Variants in NEXMIF observed in about 807,000 individuals in gnomAD.
NEXMIF encodes XLMR protein related to neurite extension.
A neutral mutation model predicts 62.1 loss-of-function variants in NEXMIF; 8 were observed. The observed-to-expected ratio is 0.13, with a 90% confidence interval of 0.08 to 0.23. NEXMIF has a LOEUF of 0.23. NEXMIF is among the 10% of genes least tolerant of loss of function. The pLI is 1.00. For synonymous variants in NEXMIF, 404 were observed against 416.6 expected (o/e 0.97, Z 0.37); for missense variants, 976 against 1,113.3 (o/e 0.88, Z 1.75).
At position 74,735,632 on chromosome X, in the gene NEXMIF, A is replaced by T. The variant is rs985792630; in HGVS notation, c.*3773T>A. On this transcript the variant is annotated 3_prime_UTR_variant, in exon 4 of 4. Transcript: ENST00000055682. Reference sequence around the variant, plus strand: ...CAAGGAAAAAGTTCAGAGAAGGTGAAAGTTGTCACAAAAGCCCAGCTAGCA... The same window carrying T: ...CAAGGAAAAAGTTCAGAGAAGGTGATAGTTGTCACAAAAGCCCAGCTAGCA... The T allele has an allele frequency of 8.9e-6, 1 of 112,163 alleles. No homozygotes were observed. Among genetic ancestry groups the T allele is most frequent in the African/African-American group, 3.2e-5 (1 of 30,790 alleles). 9.2% of individuals were successfully genotyped at this position (112,163 alleles called of 1,213,427 possible). A position where few individuals can be genotyped will look rare whatever the true frequency, so the allele number is the denominator to read the frequency against.
At chrX:74,885,472 C>A (rs2080687985) in intron 1 of NEXMIF, among the ~76,000 whole-genome samples, 1 of 111,755 alleles carries the variant, frequency 8.9e-6, no homozygotes, top group Non-Finnish European at 1.9e-5. Context: ...GATATCACCA[C>A]TGATCCCACA....
chrX:74,870,244 G>A (rs1336788042), intron 1 of NEXMIF, among the ~76,000 whole-genome samples: 4 of 110,819 alleles, frequency 3.6e-5, no homozygotes, highest in Non-Finnish European at 5.7e-5. Context: ...CTCAATAAAC[G>A]GTGCGGGGAA....
chrX:74,744,951 T>TCTCTC, intron 2 of NEXMIF, among the ~76,000 whole-genome samples: 1 of 18,667 alleles, frequency 5.4e-5, no homozygotes. Context: ...CTCTCTCTCT[T>TCTCTC]CTCTCTCCTC....
chrX:74,850,987 T>C (rs1028843203), intron 1 of NEXMIF, among the ~76,000 whole-genome samples: 1 of 109,290 alleles, frequency 9.1e-6, no homozygotes, highest in Non-Finnish European at 1.9e-5. Context: ...AACAATTCAG[T>C]ATATTAATGA....
In NEXMIF at chrX:74,742,702, C is replaced by G; in HGVS notation, c.1855G>C (p.Val619Leu). Residue 619 changes from valine to leucine, a missense_variant, in exon 3 of 4, where the codon GTG becomes CTG. Coordinates refer to ENST00000055682, the MANE Select transcript of NEXMIF (RefSeq NM_001008537.3). ...TTGCGAGCAGGTGGCAGAAATGACA[C>G]CTCAAAGCTACCTGGTTCAAAGCTT... ...KQSFEPGSFE[V>L]SFLPPARKRK... 8.3e-7 allele frequency: 1 copy of G among 1,211,045 alleles called. No individual in the cohort carries two copies.
At chrX:74,825,726 T>G (rs1209204575) in intron 1 of NEXMIF, among the ~76,000 whole-genome samples, 1 of 112,077 alleles carries the variant, frequency 8.9e-6, no homozygotes, top group African/African-American at 3.2e-5. Context: ...GGCTAATTTT[T>G]GTATTTTTAG....
chrX:74,742,224 T>C lies in NEXMIF; in HGVS notation c.2333A>G (p.Glu778Gly), dbSNP rs768632875. 2.5e-6 allele frequency: 3 copies of C among 1,208,978 alleles called. No individual in the cohort carries two copies. The highest frequency in any genetic ancestry group is 3.4e-6 in the Non-Finnish European group (3 of 894,287). Residue 778 changes from glutamate (E) to glycine (G), a missense_variant, in exon 3 of 4, where the codon GAG becomes GGG. Glu to Gly is a moderately conservative substitution (Grantham distance 98). Transcript: ENST00000055682. The stretch of plus-strand genomic sequence containing the variant: ...AGTGGAACTCTTAGCAGCCTTTGCC[T>C]CATGAAATTCAGATAGACGGGAACT... ...SNSSRLSEFH[E>G]AKAAKSSTFL... is the part of the protein sequence containing the mutation.
intron 1 of NEXMIF, among the ~76,000 whole-genome samples, chrX:74,818,509 C>G (rs893136896): frequency 1.8e-5 from 2 of 111,750 alleles, no homozygotes; most frequent in Non-Finnish European, 3.8e-5. Flanking sequence ...AATCCTAAAA[C>G]TATAAAAACC....
chrX:74,776,777 A>G (rs1372851635), intron 1 of NEXMIF, among the ~76,000 whole-genome samples: 1 of 109,434 alleles, frequency 9.1e-6, no homozygotes, highest in Non-Finnish European at 1.9e-5. Context: ...ATTATCTTAT[A>G]TAACAATGAA....
In NEXMIF at chrX:74,824,943, C is replaced by T. The variant is rs755549895; in HGVS notation, c.-47-79246G>A. Among the ~76,000 whole-genome samples, 8 of 111,172 alleles carry T rather than the reference C, an allele frequency of 7.2e-5. No homozygotes were observed. In the South Asian group the frequency reaches 1.9e-3, roughly 27 times the overall value. On this transcript the variant is annotated intron_variant, in intron 1 of 3. Coordinates refer to ENST00000055682, the MANE Select transcript of NEXMIF (RefSeq NM_001008537.3). ...GATTACAGGTATAAGCCCCCGAGCC[C>T]GGCCTAGTTTTTTAAGGAATCCCTA... is the stretch of plus-strand genomic sequence containing the variant.
At position 74,738,379 on chromosome X, in the gene NEXMIF, T is replaced by C. The variant is rs1208442215; in HGVS notation, c.*1026A>G. 1 of 111,692 alleles carries C rather than the reference T, an allele frequency of 9.0e-6. No homozygotes were observed. The highest frequency in any genetic ancestry group is 1.9e-5 in the Non-Finnish European group (1 of 53,075). 9.2% of individuals were successfully genotyped at this position (111,692 alleles called of 1,213,427 possible). ...ACATTGGCATTGCAAGATTAAACAC[T>C]GAAAGAACACTAAAGCCATGATATG... On this transcript the variant is annotated 3_prime_UTR_variant, in exon 4 of 4. Coordinates refer to ENST00000055682, the MANE Select transcript of NEXMIF (RefSeq NM_001008537.3).
At chrX:74,762,922 T>C (rs973858043) in intron 1 of NEXMIF, among the ~76,000 whole-genome samples, 4 of 111,926 alleles carry the variant, frequency 3.6e-5, no homozygotes, top group Non-Finnish European at 5.6e-5. Context: ...AGGTTGCCTG[T>C]TCATTCTGAT....
intron 1 of NEXMIF, among the ~76,000 whole-genome samples, chrX:74,751,711 T>TTTCCTTCC (rs1281767549): frequency 1.3e-5 from 1 of 79,219 alleles, no homozygotes; most frequent in Non-Finnish European, 2.4e-5. Context: ...CCTTCCTTCC[T>TTTCCTTCC]TTCCTTCCTT....
chrX:74,741,457 G>C lies in NEXMIF; in HGVS notation c.3100C>G (p.Leu1034Val). The change falls in exon 3 of 4, where the codon CTG (leucine) becomes GTG (valine). Residue 1034 changes from leucine to valine, a missense_variant. Transcript: ENST00000055682. Reference protein sequence around the residue: ...DDFLAHCSPKLVIQQSIDEIA... With the variant: ...DDFLAHCSPKVVIQQSIDEIA... ...TCATCAATGCTTTGCTGGATCACCA[G>C]CTTAGGGCTGCAATGGGCCAGGAAG... is the stretch of plus-strand genomic sequence containing the variant. 1.7e-6 allele frequency: 2 copies of C among 1,211,623 alleles called. No individual in the cohort carries two copies. The highest frequency in any genetic ancestry group is 1.7e-5 in the African/African-American group (1 of 57,750).
intron 1 of NEXMIF, among the ~76,000 whole-genome samples, chrX:74,801,827 C>A (rs1184123618): frequency 8.9e-6 from 1 of 111,962 alleles, no homozygotes; most frequent in Non-Finnish European, 1.9e-5. Flanking sequence ...AGAGCAGAGC[C>A]CACTGCCCTG....
chrX:74,768,552 G>A (rs1255756905), intron 1 of NEXMIF, among the ~76,000 whole-genome samples: 2 of 112,401 alleles, frequency 1.8e-5, no homozygotes, highest in African/African-American at 6.5e-5. Context: ...GGAAAGTAAC[G>A]TGAGGGAGGA....
intron 1 of NEXMIF, among the ~76,000 whole-genome samples, chrX:74,772,349 C>A (rs1287019121): frequency 8.9e-6 from 1 of 112,290 alleles, no homozygotes; most frequent in Non-Finnish European, 1.9e-5. Flanking sequence ...TACCTCTCCC[C>A]ACCAGGGCTA....
chrX:74,795,950 G>A (rs1255881671), intron 1 of NEXMIF, among the ~76,000 whole-genome samples: 1 of 103,188 alleles, frequency 9.7e-6, no homozygotes, highest in Non-Finnish European at 2.0e-5. Context: ...GAATGTACTG[G>A]GTTTGAACAA....
intron 1 of NEXMIF, among the ~76,000 whole-genome samples, chrX:74,920,658 T>C (rs184433328): frequency 2.7e-5 from 3 of 112,120 alleles, no homozygotes; most frequent in Admixed American, 1.9e-4. Context: ...ATTTTGTTTT[T>C]TGTTGCCATT....
Sources: allele counts gnomAD v4.1 joint callset (sites outside exome capture counted in the v4.1 genomes callset), GRCh38; gene constraint gnomAD v4.1.1; transcripts MANE v1.5; gene names NCBI Gene and HGNC (gene_info 2026-07-23, HGNC 2026-07-21).